The following CHD6 variants were observed in gnomAD, a reference collection of about 807,000 sequenced individuals.
CHD6 encodes the protein ATP-dependent chromatin remodeler CHD6.
Under a neutral mutation model 276.9 loss-of-function variants are expected in CHD6, and 50 were observed. That is an observed-to-expected ratio of 0.18 (90% CI 0.14 to 0.23). The LOEUF is 0.23. Ranked by LOEUF, CHD6 falls within the 10% of genes least tolerant of loss-of-function variation. CHD6 has a pLI of 1.00. For synonymous variants in CHD6, 1,173 were observed against 1,229.3 expected (o/e 0.95, Z 0.96); for missense variants, 2,564 against 3,365.8 (o/e 0.76, Z 5.89).
intron 16 of CHD6, among the ~76,000 whole-genome samples, chr20:41,474,518 T>C (rs2043128924): frequency 6.6e-6 from 1 of 152,090 alleles, no homozygotes; most frequent in Non-Finnish European, 1.5e-5. Context: ...CCCACAAACA[T>C]GAACTGGTTA....
At chr20:41,424,846 C>T in intron 29 of CHD6, among the ~76,000 whole-genome samples, 1 of 152,182 alleles carries the variant, frequency 6.6e-6, no homozygotes, top group Non-Finnish European at 1.5e-5. Context: ...CCCTTTGTTA[C>T]TAAAATAATT....
intron 10 of CHD6, 90 bp downstream of exon 10, chr20:41,493,448 C>G (rs73611286): frequency 0.03 from 39,773 of 1,332,638 alleles, 651 homozygotes; most frequent in South Asian, 0.038. Flanking sequence ...CAGAAACCAC[C>G]TAGGAACAAG....
rs1376709829 is a variant in CHD6, at chr20:41,419,575, A to AAG, written c.6127+932_6127+933insCT. On this transcript the variant is annotated intron_variant, in intron 31 of 36. Coordinates refer to ENST00000373233, the MANE Select transcript of CHD6 (RefSeq NM_032221.5). ...GTCTCAAAAAAAAAAAAAAAAAAAA[A>AAG]AAAAAAAAAAAAAAAAGGCTAGATA... is the stretch of plus-strand genomic sequence containing the variant. Among the ~76,000 whole-genome samples, 233 of 143,906 alleles carry AAG rather than the reference A, an allele frequency of 1.6e-3. 7 individuals are homozygous for AAG. Among genetic ancestry groups the AAG allele is most frequent in the African/African-American group, 6.0e-3 (228 of 37,792 alleles). 94.4% of individuals were successfully genotyped at this position (143,906 alleles called of 152,430 possible). A position where few individuals can be genotyped will look rare whatever the true frequency, so the allele number is the denominator to read the frequency against.
chr20:41,562,461 G>A (rs1323529436), intron 1 of CHD6, among the ~76,000 whole-genome samples: 2 of 151,738 alleles, frequency 1.3e-5, no homozygotes, highest in Non-Finnish European at 2.9e-5. Flanking sequence ...TTGCCTTAAA[G>A]GTGCCAGAGC....
chr20:41,462,518 G>C (rs1330027825), intron 17 of CHD6, among the ~76,000 whole-genome samples: 1 of 152,140 alleles, frequency 6.6e-6, no homozygotes, highest in East Asian at 1.9e-4. Flanking sequence ...GTTTAATCTA[G>C]GTTTCAGCAA....
chr20:41,564,853 C>T (rs1378333355), intron 1 of CHD6, among the ~76,000 whole-genome samples: 2 of 152,132 alleles, frequency 1.3e-5, no homozygotes, highest in Non-Finnish European at 2.9e-5. Context: ...CTCAAAATGC[C>T]TGGCTAGGCA....
chr20:41,598,653 G>T (rs1046054678), intron 1 of CHD6, among the ~76,000 whole-genome samples: 1 of 152,116 alleles, frequency 6.6e-6, no homozygotes, highest in East Asian at 1.9e-4. Context: ...AGCCCCCAAG[G>T]GCCATCTGTC....
At chr20:41,545,947 C>T (rs1167076501) in intron 2 of CHD6, among the ~76,000 whole-genome samples, 26 of 152,080 alleles carry the variant, frequency 1.7e-4, no homozygotes, top group Admixed American at 1.7e-3. Context: ...TCCCTTGGCC[C>T]CCATACTCTC....
intron 1 of CHD6, among the ~76,000 whole-genome samples, chr20:41,596,859 G>T (rs1239199312): frequency 1.3e-5 from 2 of 152,112 alleles, no homozygotes; most frequent in East Asian, 1.9e-4. Flanking sequence ...TAGAGAACTG[G>T]AAATGGAAAG....
intron 3 of CHD6, among the ~76,000 whole-genome samples, chr20:41,523,107 G>T (rs1442031014): frequency 6.6e-6 from 1 of 152,180 alleles, no homozygotes. Flanking sequence ...GGCACAGGGG[G>T]TCACTGAAGA....
chr20:41,514,408 A>G (rs1454164756), intron 4 of CHD6, among the ~76,000 whole-genome samples: 1 of 152,200 alleles, frequency 6.6e-6, no homozygotes, highest in Non-Finnish European at 1.5e-5. Context: ...CATAATGGAT[A>G]CATTTCTGAC....
intron 36 of CHD6, among the ~76,000 whole-genome samples, chr20:41,406,514 C>T (rs972830303): frequency 9.2e-5 from 14 of 152,238 alleles, no homozygotes; most frequent in Non-Finnish European, 2.1e-4. Flanking sequence ...AAGGCGCAGG[C>T]TGCAGCCCCA....
chr20:41,501,475 CATGTAA>C (rs2043828044), intron 5 of CHD6, among the ~76,000 whole-genome samples: 1 of 152,138 alleles, frequency 6.6e-6, no homozygotes, highest in South Asian at 2.1e-4. Context: ...TATTAAACCT[CATGTAA>C]ATGGAATCAT....
intron 24 of CHD6, among the ~76,000 whole-genome samples, chr20:41,446,282 G>C (rs188201144): frequency 6.2e-4 from 95 of 152,296 alleles, no homozygotes; most frequent in Non-Finnish European, 1.1e-3. Context: ...GGTATATCAG[G>C]AGGGCCTTTC....
chr20:41,417,783 G>A (rs77523177), intron 31 of CHD6, among the ~76,000 whole-genome samples: 3,153 of 152,278 alleles, frequency 0.021, 44 homozygotes, highest in South Asian at 0.035. Context: ...GAGAAAGGAT[G>A]AAAGTCATGA....
At chr20:41,513,109 A>C in intron 4 of CHD6, 114 bp from the exon 5 acceptor site, 3 of 1,133,924 alleles carry the variant, frequency 2.6e-6, no homozygotes, top group Non-Finnish European at 3.8e-6. Flanking sequence ...CTTGCCTTAC[A>C]AAAGAAATCT....
chr20:41,546,629 C>G (rs1218627265), intron 2 of CHD6, among the ~76,000 whole-genome samples: 4 of 152,162 alleles, frequency 2.6e-5, no homozygotes, highest in South Asian at 4.1e-4. Flanking sequence ...TGCCCTCTTG[C>G]AAAGAACTAT....
chr20:41,537,308 T>C (rs746691765), intron 2 of CHD6, among the ~76,000 whole-genome samples: 13 of 152,162 alleles, frequency 8.5e-5, no homozygotes, highest in Admixed American at 1.3e-4. Flanking sequence ...CAATTAAAAA[T>C]GACAATACAA....
intron 3 of CHD6, among the ~76,000 whole-genome samples, chr20:41,524,462 CT>C (rs1219542078): frequency 6.6e-6 from 1 of 152,162 alleles, no homozygotes; most frequent in Non-Finnish European, 1.5e-5. Context: ...AAAAAGATTA[CT>C]TCCTCTTAAG....
Sources: allele counts gnomAD v4.1 joint callset (sites outside exome capture counted in the v4.1 genomes callset), GRCh38; gene constraint gnomAD v4.1.1; transcripts MANE v1.5; gene names NCBI Gene and HGNC (gene_info 2026-07-23, HGNC 2026-07-21).